Variants in BNIP3L observed in about 807,000 individuals in gnomAD.
BNIP3L encodes BCL2/adenovirus E1B 19 kDa protein-interacting protein 3-like.
Under a neutral mutation model 25.5 loss-of-function variants are expected in BNIP3L, and 10 were observed. The observed-to-expected ratio is 0.39, with a 90% CI of 0.24 to 0.67. BNIP3L has a LOEUF of 0.67. Ranked by LOEUF, BNIP3L falls within the 30% of genes least tolerant of loss-of-function variation. BNIP3L has a pLI of 0.45. For synonymous variants in BNIP3L, 113 were observed against 101.2 expected, an observed-to-expected ratio of 1.12 and a Z score of -0.70; for missense variants, 215 against 270.9, an observed-to-expected ratio of 0.79 and a Z score of 1.45.
At chr8:26,390,054 A>G (rs547222740) in intron 1 of BNIP3L, among the ~76,000 whole-genome samples, 1 of 152,310 alleles carries the variant, frequency 6.6e-6, no homozygotes, top group East Asian at 1.9e-4. Context: ...AACAAAATAT[A>G]CCACTATCTC....
rs1305668943 is a variant in BNIP3L, at chr8:26,412,528, C to A, written c.*2116C>A. ...GCGTTAAAAAGAAACATAGTGTTGC[C>A]CTTTTTCTTAAAGCATCAGTGAAAT... On this transcript the variant is annotated 3_prime_UTR_variant, in exon 6 of 6. Coordinates refer to ENST00000380629, the MANE Select transcript of BNIP3L (RefSeq NM_004331.3). 1 of 152,104 alleles carries A rather than the reference C, an allele frequency of 6.6e-6. No homozygotes were observed. The highest frequency in any genetic ancestry group is 1.5e-5 in the Non-Finnish European group (1 of 68,020). 9.4% of individuals were successfully genotyped at this position (152,104 alleles called of 1,614,324 possible).
In BNIP3L at chr8:26,403,261, A is replaced by G. The variant is rs114518724; in HGVS notation, c.358-4739A>G. The stretch of plus-strand genomic sequence containing the variant: ...TCAGCAGGTATAGTTTAAACTTTCA[A>G]AAACCTTTGACATTGCCTTTTTTTA... On this transcript the variant is annotated intron_variant, in intron 3 of 5. Coordinates refer to ENST00000380629, the MANE Select transcript of BNIP3L (RefSeq NM_004331.3). Among the ~76,000 whole-genome samples the G allele has an allele frequency of 7.0e-3, 1,073 of 152,324 alleles. 9 individuals carry two copies. Among genetic ancestry groups the G allele is most frequent in the African/African-American group, 0.024 (1,013 of 41,566 alleles).
chr8:26,410,663 G>C lies in BNIP3L; in HGVS notation c.*251G>C. 1 of 491,356 alleles carries C rather than the reference G, an allele frequency of 2.0e-6. No homozygotes were observed. Among genetic ancestry groups the C allele is most frequent in the East Asian group, 3.6e-5 (1 of 27,748 alleles). 30.4% of individuals were successfully genotyped at this position (491,356 alleles called of 1,614,324 possible). A position where few individuals can be genotyped will look rare whatever the true frequency, so the allele number is the denominator to read the frequency against. ...AGAGTTTACTGTTGTTTAGAAATTTGCAAGGGCTTCTTTTCCGCAAATGCC... is the reference window on the plus strand; with the variant it reads ...AGAGTTTACTGTTGTTTAGAAATTTCCAAGGGCTTCTTTTCCGCAAATGCC... On this transcript the variant is annotated 3_prime_UTR_variant, in exon 6 of 6. Coordinates refer to ENST00000380629, the MANE Select transcript of BNIP3L (RefSeq NM_004331.3).
intron 1 of BNIP3L, among the ~76,000 whole-genome samples, chr8:26,384,669 C>T (rs893589076): frequency 7.3e-5 from 11 of 151,486 alleles, no homozygotes; most frequent in African/African-American, 2.4e-4. Flanking sequence ...AGTTCACAAC[C>T]GGCTGGGAGC....
At position 26,412,433 on chromosome 8, in the gene BNIP3L, C is replaced by T. The variant is rs1358178859; in HGVS notation, c.*2021C>T. On this transcript the variant is annotated 3_prime_UTR_variant, in exon 6 of 6. Transcript: ENST00000380629. Reference sequence around the variant, plus strand: ...GACTTCTTACAGCTAGTGCATTGTGCTCTTTCCAAGTTCAGCAGCAGTTCT... The same window carrying T: ...GACTTCTTACAGCTAGTGCATTGTGTTCTTTCCAAGTTCAGCAGCAGTTCT... 1 of 152,218 alleles carries T rather than the reference C, an allele frequency of 6.6e-6. No individual in the cohort carries two copies. Among genetic ancestry groups the T allele is most frequent in the Admixed American group, 6.5e-5 (1 of 15,282 alleles). 9.4% of individuals were successfully genotyped at this position (152,218 alleles called of 1,614,324 possible).
chr8:26,401,674 T>C (rs1806386371), intron 3 of BNIP3L, among the ~76,000 whole-genome samples: 1 of 151,326 alleles, frequency 6.6e-6, no homozygotes, highest in Non-Finnish European at 1.5e-5. Context: ...ACATGAAGAC[T>C]TTTTTTTGCA....
At chr8:26,408,862 A>G (rs1806555170) in intron 5 of BNIP3L, among the ~76,000 whole-genome samples, 1 of 128,816 alleles carries the variant, frequency 7.8e-6, no homozygotes, top group African/African-American at 3.0e-5. Context: ...ATAGAGTGAG[A>G]CTCCATCTCG....
intron 2 of BNIP3L, among the ~76,000 whole-genome samples, chr8:26,394,521 TTAACA>T (rs1806187415): frequency 2.0e-5 from 3 of 152,174 alleles, no homozygotes; most frequent in African/African-American, 4.8e-5. Flanking sequence ...ATAATACATT[TTAACA>T]TAAGTAGCAT....
intron 1 of BNIP3L, among the ~76,000 whole-genome samples, chr8:26,386,385 G>A (rs530586021): frequency 9.2e-5 from 14 of 152,244 alleles, no homozygotes; most frequent in Admixed American, 9.2e-4. Context: ...TATAATTCTT[G>A]TTGTTGAGAA....
Position 26,407,899 on chromosome 8 carries a change from C to T in BNIP3L, c.358-101C>T, listed in dbSNP as rs1045383937. The T allele has an allele frequency of 7.8e-6, 8 of 1,023,192 alleles. No homozygotes were observed. In the African/African-American group the frequency reaches 9.8e-5, roughly 13 times the overall value. The allele number at this position is 1,023,192 out of a possible 1,614,324, so 63.4% of individuals were successfully genotyped here. A position where few individuals can be genotyped will look rare whatever the true frequency, so the allele number is the denominator to read the frequency against. ...TGTTTGTTATCTAAAATTTCTGAGA[C>T]ACAACCTTATGAGTTTGGTATCTTT... On this transcript the variant is annotated intron_variant, in intron 3 of 5. Coordinates refer to ENST00000380629, the MANE Select transcript of BNIP3L (RefSeq NM_004331.3).
chr8:26,402,013 A>C (rs913511947), intron 3 of BNIP3L, among the ~76,000 whole-genome samples: 2 of 152,086 alleles, frequency 1.3e-5, no homozygotes, highest in African/African-American at 4.8e-5. Flanking sequence ...TGTTTAATGA[A>C]CCTTTGAATG....
intron 5 of BNIP3L, among the ~76,000 whole-genome samples, chr8:26,408,673 A>G (rs1205957107): frequency 6.6e-6 from 1 of 152,152 alleles, no homozygotes; most frequent in Non-Finnish European, 1.5e-5. Context: ...GGAGTTCAAG[A>G]CCAGCCTGGC....
intron 2 of BNIP3L, among the ~76,000 whole-genome samples, chr8:26,392,615 A>G (rs1165817362): frequency 6.6e-6 from 1 of 151,808 alleles, no homozygotes; most frequent in East Asian, 1.9e-4. Context: ...TGCTTCTTAG[A>G]GCCTGGGATG....
intron 3 of BNIP3L, among the ~76,000 whole-genome samples, chr8:26,401,957 A>C (rs986006715): frequency 2.6e-5 from 4 of 152,202 alleles, no homozygotes; most frequent in South Asian, 4.1e-4. Context: ...ATTCTTGAGG[A>C]CGGGAACCAT....
rs141139285 is a variant in BNIP3L at position 26,390,135 on chromosome 8, G to A, written c.101-1108G>A. Among the ~76,000 whole-genome samples, 435 of 152,186 alleles carry A rather than the reference G, an allele frequency of 2.9e-3. 1 individual carries two copies. Among genetic ancestry groups the A allele is most frequent in the Non-Finnish European group, 4.5e-3 (308 of 68,004 alleles). On this transcript the variant is annotated intron_variant, in intron 1 of 5. Coordinates refer to ENST00000380629, the MANE Select transcript of BNIP3L (RefSeq NM_004331.3). ...TTACTTACTTACTTACTATTCTTTT[G>A]TAGAGACAGGGTCTTGCCATGTTCC...
At position 26,391,368 on chromosome 8, in the gene BNIP3L, T is replaced by C. The variant is rs1261981811; in HGVS notation, c.226T>C (p.Leu76=). ...IHNGDMEKIL[L]DAQHESGQSS... ...CAATGGAGACATGGAGAAGATTCTT[T>C]TGGATGCACAACATGAATCAGGACA... is the stretch of plus-strand genomic sequence containing the variant. Residue 76 remains leucine (L), a synonymous_variant, in exon 2 of 6, where the codon TTG becomes CTG. Transcript: ENST00000380629. The C allele has an allele frequency of 5.6e-6, 9 of 1,609,698 alleles. No individual in the cohort carries two copies. Among genetic ancestry groups the C allele is most frequent in the South Asian group, 2.2e-5 (2 of 90,102 alleles).
At chr8:26,401,933 T>C (rs1386676734) in intron 3 of BNIP3L, among the ~76,000 whole-genome samples, 1 of 152,220 alleles carries the variant, frequency 6.6e-6, no homozygotes, top group East Asian at 1.9e-4. Flanking sequence ...CCTAAAAGTG[T>C]CATTAGAGTA....
chr8:26,411,566 T>C lies in BNIP3L; in HGVS notation c.*1154T>C, dbSNP rs985321766. 2.0e-5 allele frequency: 3 copies of C among 152,480 alleles called. No homozygotes were observed. The highest frequency in any genetic ancestry group is 7.2e-5 in the African/African-American group (3 of 41,470). 9.4% of individuals were successfully genotyped at this position (152,480 alleles called of 1,614,324 possible). ...TTACTGTACAGTCTTCCCAAGGTGATTCCTGCGACTGCAGGCACTGGTCAT... is the reference window on the plus strand; with the variant it reads ...TTACTGTACAGTCTTCCCAAGGTGACTCCTGCGACTGCAGGCACTGGTCAT... On this transcript the variant is annotated 3_prime_UTR_variant, in exon 6 of 6. Coordinates refer to ENST00000380629, the MANE Select transcript of BNIP3L (RefSeq NM_004331.3).
At chr8:26,389,153 C>T (rs1806053881) in intron 1 of BNIP3L, among the ~76,000 whole-genome samples, 1 of 152,068 alleles carries the variant, frequency 6.6e-6, no homozygotes, top group South Asian at 2.1e-4. Context: ...TCTGTCAGAG[C>T]AGCTCTGGGT....
Sources: gnomAD v4.1 joint callset for allele counts (sites outside exome capture counted in the v4.1 genomes callset) on GRCh38, gnomAD v4.1.1 for gene constraint, MANE v1.5 for transcripts, NCBI Gene and HGNC (gene_info 2026-07-23, HGNC 2026-07-21) for gene names.